MDGA2: variants seen among roughly 807,000 people sequenced by gnomAD.
The protein encoded by MDGA2 is MAM domain-containing glycosylphosphatidylinositol anchor protein 2.
MDGA2 carries 40 observed loss-of-function variants against 117.8 expected under a neutral mutation model. That is an observed-to-expected ratio of 0.34 (90% CI 0.26 to 0.44). The LOEUF is 0.44. Among genes scored for constraint, MDGA2 ranks in the 20% least tolerant of loss-of-function variants. The probability of loss-of-function intolerance (pLI) is 1.00; values close to 1 mark genes in which losing one functional copy is unlikely to be tolerated. For missense variants in MDGA2, 1,123 were observed against 1,250.6 expected, an observed-to-expected ratio of 0.90 and a Z score of 1.54; for synonymous variants, 452 against 439.0, an observed-to-expected ratio of 1.03 and a Z score of -0.37.
In MDGA2 at chr14:47,226,174, G is replaced by C. The variant is rs1258272196; in HGVS notation, c.421-7979C>G. 4.0e-5 allele frequency among the ~76,000 whole-genome samples: 6 copies of C among 150,898 alleles called. No individual in the cohort carries two copies. In the Middle Eastern group the frequency reaches 0.01, roughly 257 times the overall value. ...TTCCTAGCTGCAGTGAGTTATGATG[G>C]CACCACTCCAGCCTGGGCAACAGAG... is the stretch of plus-strand genomic sequence containing the variant. On this transcript the variant is annotated intron_variant, in intron 2 of 16. Transcript: ENST00000399232.
chr14:47,243,572 A>G (rs1315121335), intron 2 of MDGA2, among the ~76,000 whole-genome samples: 2 of 151,482 alleles, frequency 1.3e-5, no homozygotes, highest in African/African-American at 2.4e-5. Flanking sequence ...AGGAGGAACG[A>G]GCAACTCCAG....
At chr14:47,500,059 A>T (rs1894367829) in intron 1 of MDGA2, among the ~76,000 whole-genome samples, 1 of 152,194 alleles carries the variant, frequency 6.6e-6, no homozygotes, top group Admixed American at 6.5e-5. Context: ...AATCATTTGC[A>T]TATTTTCACA....
chr14:47,421,379 A>G (rs1162125701), intron 1 of MDGA2, among the ~76,000 whole-genome samples: 1 of 152,176 alleles, frequency 6.6e-6, no homozygotes, highest in Admixed American at 6.6e-5. Flanking sequence ...CTGGCATCAC[A>G]GATGGTCAAA....
intron 8 of MDGA2, among the ~76,000 whole-genome samples, chr14:46,963,008 G>C (rs1885870766): frequency 6.6e-6 from 1 of 152,062 alleles, no homozygotes; most frequent in African/African-American, 2.4e-5. Context: ...AACAAGTTAA[G>C]ACTGAAGATA....
At chr14:47,173,900 T>C (rs7149286) in intron 3 of MDGA2, among the ~76,000 whole-genome samples, 130,272 of 152,052 alleles carry the variant, frequency 0.86, 55,936 homozygotes, top group East Asian at 0.97. Flanking sequence ...ATTCAGGAAA[T>C]CCAGCTCATG....
chr14:47,353,807 G>C (rs2138353810), intron 1 of MDGA2, among the ~76,000 whole-genome samples: 1 of 152,126 alleles, frequency 6.6e-6, no homozygotes, highest in East Asian at 1.9e-4. Context: ...CATTTTACAA[G>C]GCCATCATTA....
intron 1 of MDGA2, among the ~76,000 whole-genome samples, chr14:47,451,400 T>C (rs746701740): frequency 6.6e-6 from 1 of 152,098 alleles, no homozygotes; most frequent in Non-Finnish European, 1.5e-5. Flanking sequence ...CCAACATATA[T>C]ACCTGGTATA....
chr14:47,215,145 T>C (rs1473863177), intron 3 of MDGA2, among the ~76,000 whole-genome samples: 2 of 152,100 alleles, frequency 1.3e-5, no homozygotes, highest in African/African-American at 4.8e-5. Flanking sequence ...AAACCTACAA[T>C]GCAGTGGATG....
intron 9 of MDGA2, among the ~76,000 whole-genome samples, chr14:46,921,783 CT>C (rs1884142008): frequency 1.3e-5 from 2 of 152,020 alleles, no homozygotes; most frequent in Non-Finnish European, 2.9e-5. Context: ...AGTTAGACAG[CT>C]AGAGGTTTTA....
chr14:47,214,399 C>T (rs1886010162), intron 3 of MDGA2, among the ~76,000 whole-genome samples: 1 of 152,020 alleles, frequency 6.6e-6, no homozygotes, highest in Non-Finnish European at 1.5e-5. Context: ...TCTTGGAATG[C>T]TTTTACAATT....
intron 1 of MDGA2, among the ~76,000 whole-genome samples, chr14:47,634,944 C>T (rs1897299354): frequency 6.6e-6 from 1 of 152,024 alleles, no homozygotes; most frequent in African/African-American, 2.4e-5. Flanking sequence ...TTTAACACTT[C>T]TTTAATAAAC....
intron 1 of MDGA2, among the ~76,000 whole-genome samples, chr14:47,565,990 C>T (rs1253480579): frequency 3.9e-5 from 6 of 152,268 alleles, no homozygotes; most frequent in South Asian, 2.1e-4. Context: ...ATGGCAGCAT[C>T]GTGATGCAGG....
rs772027767 is a variant in MDGA2 at position 47,295,741 on chromosome 14, TA to T, written c.420+5669del. ...CTACATGGGGAAACTGGGTCTTTAT[TA>T]AAAATACAAAAATTATTAGGGGGTA... On this transcript the variant is annotated intron_variant, in intron 2 of 16. Coordinates refer to ENST00000399232, the MANE Select transcript of MDGA2 (RefSeq NM_001113498.3). 5.3e-5 allele frequency among the ~76,000 whole-genome samples: 8 copies of T among 152,038 alleles called. No homozygotes were observed. The South Asian group carries it at 1.7e-3, about 32-fold the overall frequency.
chr14:47,562,868 C>T (rs1267353768), intron 1 of MDGA2, among the ~76,000 whole-genome samples: 1 of 152,028 alleles, frequency 6.6e-6, no homozygotes, highest in Non-Finnish European at 1.5e-5. Context: ...GAGTTTAGTG[C>T]TATAAATGTC....
At chr14:46,863,577 C>CA (rs1208117553) in intron 14 of MDGA2, among the ~76,000 whole-genome samples, 2 of 152,102 alleles carry the variant, frequency 1.3e-5, no homozygotes, top group African/African-American at 4.8e-5. Flanking sequence ...GCAGTTAACT[C>CA]AATTGCTTAC....
At chr14:47,303,583 A>G (rs1337253239) in intron 1 of MDGA2, among the ~76,000 whole-genome samples, 1 of 152,148 alleles carries the variant, frequency 6.6e-6, no homozygotes, top group African/African-American at 2.4e-5. Context: ...TGAAGTACTT[A>G]TTTTTAGGCA....
intron 6 of MDGA2, among the ~76,000 whole-genome samples, chr14:47,067,596 CTT>C (rs59987441): frequency 0.085 from 13,007 of 152,210 alleles, 716 homozygotes; most frequent in Admixed American, 0.14. Context: ...CCGCGTGCCT[CTT>C]TCTTTCCAAC....
At chr14:47,468,665 T>G (rs1408322315) in intron 1 of MDGA2, among the ~76,000 whole-genome samples, 4 of 152,008 alleles carry the variant, frequency 2.6e-5, no homozygotes, top group African/African-American at 9.7e-5. Flanking sequence ...TTATGGTGTT[T>G]TTTTTTTGTT....
chr14:47,507,721 C>T lies in MDGA2; in HGVS notation c.280+166796G>A, dbSNP rs532088978. Among the ~76,000 whole-genome samples, 34 of 152,252 alleles carry T rather than the reference C, an allele frequency of 2.2e-4. No homozygotes were observed. In the South Asian group the frequency reaches 6.4e-3, roughly 29 times the overall value. On this transcript the variant is annotated intron_variant, in intron 1 of 16. Coordinates refer to ENST00000399232, the MANE Select transcript of MDGA2 (RefSeq NM_001113498.3). ...CTTAAAGAATTCCTCCCAGATAATA[C>T]TTCTATGGATCTTATCTTCAGTGTC...
Sources: allele counts gnomAD v4.1 joint callset (sites outside exome capture counted in the v4.1 genomes callset), GRCh38; gene constraint gnomAD v4.1.1; transcripts MANE v1.5; gene names NCBI Gene and HGNC (gene_info 2026-07-23, HGNC 2026-07-21).